The following PCDHA6 variants were observed in gnomAD, a reference collection of about 807,000 sequenced individuals.
PCDHA6 encodes the protein protocadherin alpha-6.
PCDHA6 carries 55 observed loss-of-function variants against 60.3 expected under a neutral mutation model. That is an observed-to-expected ratio of 0.91 (90% CI 0.73 to 1.14). The LOEUF (loss-of-function observed/expected upper bound fraction) is 1.14, where lower values mean the gene tolerates loss of function less well. Among genes scored for constraint, PCDHA6 ranks in the 50% most tolerant of loss-of-function variants. The pLI is 0.00. For synonymous variants in PCDHA6, 652 were observed against 557.9 expected, an observed-to-expected ratio of 1.17 and a Z score of -2.38; for missense variants, 1,327 against 1,256.5, an observed-to-expected ratio of 1.06 and a Z score of -0.85.
intron 1 of PCDHA6, among the ~76,000 whole-genome samples, chr5:140,845,801 G>C (rs1219755602): frequency 1.3e-5 from 2 of 149,630 alleles, no homozygotes; most frequent in African/African-American, 4.9e-5. Flanking sequence ...TCTGGCAAGT[G>C]ATAGGTACAT....
intron 1 of PCDHA6, among the ~76,000 whole-genome samples, chr5:140,886,602 C>T (rs1167539535): frequency 6.6e-6 from 1 of 151,756 alleles, no homozygotes; most frequent in Non-Finnish European, 1.5e-5. Flanking sequence ...CCAAGGTGGG[C>T]GGATCAGGAG....
chr5:140,950,862 A>G (rs2094526538), intron 1 of PCDHA6, among the ~76,000 whole-genome samples: 1 of 151,952 alleles, frequency 6.6e-6, no homozygotes, highest in African/African-American at 2.4e-5. Context: ...ATATTCTTGT[A>G]TATTCTATAT....
chr5:140,981,024 A>G (rs2096915063), intron 2 of PCDHA6, among the ~76,000 whole-genome samples: 2 of 152,112 alleles, frequency 1.3e-5, no homozygotes, highest in Admixed American at 6.5e-5. Flanking sequence ...AAGGCTGTTA[A>G]TATTTGGGGA....
intron 1 of PCDHA6, among the ~76,000 whole-genome samples, chr5:140,910,884 T>C (rs748501328): frequency 3.3e-5 from 5 of 152,254 alleles, no homozygotes; most frequent in Non-Finnish European, 7.3e-5. Flanking sequence ...ACCCTTAATA[T>C]CCATTCCTAT....
intron 1 of PCDHA6, chr5:140,870,249 A>T (rs1554163944): frequency 6.2e-7 from 1 of 1,614,160 alleles, no homozygotes; most frequent in Non-Finnish European, 8.5e-7. Flanking sequence ...GTGTCAACGG[A>T]CAGGTGACCT....
At chr5:140,917,324 C>CGGG (rs1299895515) in intron 1 of PCDHA6, among the ~76,000 whole-genome samples, 10 of 76,182 alleles carry the variant, frequency 1.3e-4, no homozygotes, top group South Asian at 4.5e-4. Flanking sequence ...GTTCATGTGG[C>CGGG]GGGGGAGGGG....
At chr5:140,842,093 G>C (rs145495287) in intron 1 of PCDHA6, 1 of 1,613,850 alleles carries the variant, frequency 6.2e-7, no homozygotes, top group Non-Finnish European at 8.5e-7. Context: ...CGCAGACAAC[G>C]GAACAACAGT....
chr5:140,959,763 C>A (rs2095510059), intron 1 of PCDHA6, among the ~76,000 whole-genome samples: 2 of 152,170 alleles, frequency 1.3e-5, no homozygotes, highest in South Asian at 4.1e-4. Flanking sequence ...TTTTAATATT[C>A]AGTAAGAACA....
intron 1 of PCDHA6, chr5:140,862,434 T>C: frequency 2.8e-6 from 1 of 354,954 alleles, no homozygotes; most frequent in South Asian, 2.1e-5. Flanking sequence ...AAACTATTCG[T>C]TGGTACTCCA....
chr5:140,842,688 C>T (rs2150342065), intron 1 of PCDHA6: 3 of 1,595,284 alleles, frequency 1.9e-6, no homozygotes, highest in Non-Finnish European at 1.7e-6. Flanking sequence ...CCGGCGTTCG[C>T]GCAGCCCGAG....
chr5:140,922,176 CA>C (rs3836750), intron 1 of PCDHA6, among the ~76,000 whole-genome samples: 49,174 of 150,706 alleles, frequency 0.33, 8,259 homozygotes, highest in East Asian at 0.53. Context: ...GTACAGCAGA[CA>C]AAAAAAAAGT....
chr5:140,841,522 G>C (rs2150317350), intron 1 of PCDHA6: 13 of 1,613,482 alleles, frequency 8.1e-6, no homozygotes, highest in Non-Finnish European at 1.1e-5. Context: ...TCCGGGTGGC[G>C]TCCAAAAGAC....
chr5:140,856,987 C>G (rs144244943), intron 1 of PCDHA6: 1 of 1,595,238 alleles, frequency 6.3e-7, no homozygotes, highest in Non-Finnish European at 8.6e-7. Flanking sequence ...AGGACAGTAA[C>G]ACTTATGAAA....
rs145248721 is a variant in PCDHA6 at position 140,849,849 on chromosome 5, G to A, written c.2394+19364G>A. 13 of 1,598,556 alleles carry A rather than the reference G, an allele frequency of 8.1e-6. 1 individual carries two copies. The South Asian group carries it at 1.1e-4, about 14-fold the overall frequency. On this transcript the variant is annotated intron_variant, in intron 1 of 3. Coordinates refer to ENST00000529310, the MANE Select transcript of PCDHA6 (RefSeq NM_018909.4). Reference sequence around the variant, plus strand: ...GGAGGTGGCCGACGTGAACGACAACGCACCAGCGTTCGCGCAGTCCGAGTA... The same window carrying A: ...GGAGGTGGCCGACGTGAACGACAACACACCAGCGTTCGCGCAGTCCGAGTA...
chr5:140,873,153 C>T (rs2054129567), intron 1 of PCDHA6, among the ~76,000 whole-genome samples: 1 of 152,224 alleles, frequency 6.6e-6, no homozygotes, highest in East Asian at 1.9e-4. Flanking sequence ...TATTCATAGA[C>T]TTTAGATCGA....
At chr5:140,841,722 G>T in intron 1 of PCDHA6, 1 of 1,613,870 alleles carries the variant, frequency 6.2e-7, no homozygotes, top group Non-Finnish European at 8.5e-7. Flanking sequence ...CCAGTGTTCC[G>T]GGTAAAAGAC....
At chr5:140,937,446 G>A (rs1330877546) in intron 1 of PCDHA6, among the ~76,000 whole-genome samples, 1 of 152,088 alleles carries the variant, frequency 6.6e-6, no homozygotes, top group Non-Finnish European at 1.5e-5. Context: ...TATTTTAAAA[G>A]TTTAATTTTA....
Position 140,881,357 on chromosome 5 carries a change from CT to C in PCDHA6, c.2394+50875del, listed in dbSNP as rs1486951603. 3.0e-6 allele frequency: 3 copies of C among 985,228 alleles called. No homozygotes were observed. The African/African-American group carries it at 5.2e-5, about 17-fold the overall frequency. 61.0% of individuals were successfully genotyped at this position (985,228 alleles called of 1,614,324 possible). A position where few individuals can be genotyped will look rare whatever the true frequency, so the allele number is the denominator to read the frequency against. ...CGCCGATTCGGGCTACAATGCGTGG[CT>C]TTCGTATGAATTGCAGCCGGCGGCG... On this transcript the variant is annotated intron_variant, in intron 1 of 3. Coordinates refer to ENST00000529310, the MANE Select transcript of PCDHA6 (RefSeq NM_018909.4).
At chr5:140,871,003 C>G (rs782654281) in intron 1 of PCDHA6, 3 of 1,613,416 alleles carry the variant, frequency 1.9e-6, no homozygotes, top group Non-Finnish European at 2.5e-6. Flanking sequence ...AAGCACAACG[C>G]GTGCCCTGGA....
Sources: gnomAD v4.1 joint callset for allele counts (sites outside exome capture counted in the v4.1 genomes callset) on GRCh38, gnomAD v4.1.1 for gene constraint, MANE v1.5 for transcripts, NCBI Gene and HGNC (gene_info 2026-07-23, HGNC 2026-07-21) for gene names.